The following BNC2 variants were observed in gnomAD, a reference collection of about 807,000 sequenced individuals.
BNC2 encodes basonuclin zinc finger protein 2.
BNC2 carries 20 observed loss-of-function variants against 76.3 expected under a neutral mutation model. The observed-to-expected ratio is 0.26, with a 90% CI of 0.18 to 0.38. The LOEUF is 0.38. Among genes scored for constraint, BNC2 ranks in the 10% least tolerant of loss-of-function variants. The pLI, the probability that BNC2 is intolerant of heterozygous loss-of-function variation, is 1.00. For missense variants in BNC2, 1,382 were observed against 1,399.8 expected, an observed-to-expected ratio of 0.99 and a Z score of 0.20; for synonymous variants, 582 against 514.8, an observed-to-expected ratio of 1.13 and a Z score of -1.77.
At chr9:16,468,600 T>G (rs946444289) in intron 5 of BNC2, among the ~76,000 whole-genome samples, 4 of 152,034 alleles carry the variant, frequency 2.6e-5, no homozygotes, top group South Asian at 4.1e-4. Context: ...TTCACCACGT[T>G]GGCCAGAATG....
intron 4 of BNC2, among the ~76,000 whole-genome samples, chr9:16,557,613 G>T (rs1818876632): frequency 6.6e-6 from 1 of 151,984 alleles, no homozygotes; most frequent in Non-Finnish European, 1.5e-5. Flanking sequence ...TCATGGGTCA[G>T]AGAACATCCA....
intron 6 of BNC2, chr9:16,431,382 T>G: frequency 2.2e-6 from 1 of 445,014 alleles, no homozygotes; most frequent in Non-Finnish European, 4.8e-6. Context: ...TGAGAAATGA[T>G]GAAAGGTAAA....
chr9:16,788,410 G>C (rs13289476), intron 1 of BNC2, among the ~76,000 whole-genome samples: 3 of 151,892 alleles, frequency 2.0e-5, no homozygotes, highest in African/African-American at 4.8e-5. Context: ...AAAATTAGCC[G>C]GGCGTGGTGG....
chr9:16,733,428 C>G (rs1428864908), intron 2 of BNC2, among the ~76,000 whole-genome samples: 2 of 151,830 alleles, frequency 1.3e-5, no homozygotes, highest in Non-Finnish European at 2.9e-5. Flanking sequence ...AGAAGTAAAA[C>G]AATAATTTCA....
chr9:16,495,504 T>C (rs1822369286), intron 5 of BNC2, among the ~76,000 whole-genome samples: 1 of 152,178 alleles, frequency 6.6e-6, no homozygotes, highest in Admixed American at 6.5e-5. Context: ...GCTTGCGTTC[T>C]GGCTAGAGAT....
rs376468032 is a variant in BNC2, at chr9:16,684,972, G to A, written c.330+42825C>T. Among the ~76,000 whole-genome samples, 30 of 151,952 alleles carry A rather than the reference G, an allele frequency of 2.0e-4. No homozygotes were observed. The East Asian group carries it at 3.1e-3, about 16-fold the overall frequency. On this transcript the variant is annotated intron_variant, in intron 3 of 6. Transcript: ENST00000380672. ...CAAGACATATCTTCCAACGCATGAA[G>A]ACAGAAGATATTTCATTAAGTCCTG...
chr9:16,431,250 C>T (rs1014679777), intron 6 of BNC2, among the ~76,000 whole-genome samples: 4 of 152,126 alleles, frequency 2.6e-5, no homozygotes, highest in Non-Finnish European at 5.9e-5. Context: ...GGAAACAGAA[C>T]AGAGGGTATT....
At chr9:16,801,732 A>AG (rs1817785506) in intron 1 of BNC2, among the ~76,000 whole-genome samples, 5 of 22,052 alleles carry the variant, frequency 2.3e-4, no homozygotes, top group African/African-American at 1.4e-3. Context: ...CCCTTAAATT[A>AG]AAAAAAAAAA....
intron 6 of BNC2, chr9:16,431,508 A>G (rs781507455): frequency 4.3e-6 from 2 of 467,650 alleles, no homozygotes; most frequent in Non-Finnish European, 8.9e-6. Context: ...TTTCATATGT[A>G]TACTTCATAA....
At chr9:16,809,976 G>A (rs1818004941) in intron 1 of BNC2, among the ~76,000 whole-genome samples, 2 of 152,044 alleles carry the variant, frequency 1.3e-5, no homozygotes, top group South Asian at 4.1e-4. Flanking sequence ...GTCCTGATGA[G>A]TAAGAGGCTT....
At chr9:16,570,076 C>CA in intron 4 of BNC2, among the ~76,000 whole-genome samples, 1 of 152,126 alleles carries the variant, frequency 6.6e-6, no homozygotes, top group East Asian at 1.9e-4. Flanking sequence ...CCCTACCCCC[C>CA]AGTTATTCAC....
chr9:16,529,180 C>T (rs1000251720), intron 5 of BNC2, among the ~76,000 whole-genome samples: 2 of 152,194 alleles, frequency 1.3e-5, no homozygotes, highest in Non-Finnish European at 2.9e-5. Context: ...AAATCCTTGA[C>T]TTAATCACAT....
intron 1 of BNC2, among the ~76,000 whole-genome samples, chr9:16,848,387 AC>A (rs1819041926): frequency 6.6e-6 from 1 of 152,110 alleles, no homozygotes; most frequent in Non-Finnish European, 1.5e-5. Flanking sequence ...ATAATAATCC[AC>A]CCTGGAACAA....
In BNC2 at chr9:16,869,645, A is replaced by G. The variant is rs181966784; in HGVS notation, c.3+1001T>C. 2.4e-4 allele frequency among the ~76,000 whole-genome samples: 36 copies of G among 152,324 alleles called. No individual in the cohort carries two copies. The East Asian group carries it at 5.2e-3, about 22-fold the overall frequency. ...TAGCGACGCTGGGAGGAAGCAAACT[A>G]AAAAGAAGGGAGTGGTCAAGCCCCA... On this transcript the variant is annotated intron_variant, in intron 1 of 6. Transcript: ENST00000380672.
At chr9:16,469,217 T>A (rs994936931) in intron 5 of BNC2, among the ~76,000 whole-genome samples, 6 of 148,308 alleles carry the variant, frequency 4.0e-5, no homozygotes, top group Non-Finnish European at 7.5e-5. Context: ...CAAACAGTAC[T>A]AATGATTTGA....
chr9:16,615,994 A>G (rs530674336), intron 3 of BNC2, among the ~76,000 whole-genome samples: 156 of 152,326 alleles, frequency 1.0e-3, no homozygotes, highest in African/African-American at 3.5e-3. Context: ...TGAGAGCTCA[A>G]TGGTCACATT....
chr9:16,498,837 T>C (rs755486582), intron 5 of BNC2, among the ~76,000 whole-genome samples: 61 of 152,138 alleles, frequency 4.0e-4, no homozygotes, highest in Admixed American at 1.9e-3. Flanking sequence ...CTAAATCCTA[T>C]TGTCCAATTC....
intron 3 of BNC2, among the ~76,000 whole-genome samples, chr9:16,699,648 A>C (rs1823449646): frequency 1.3e-5 from 2 of 152,222 alleles, no homozygotes; most frequent in African/African-American, 4.8e-5. Flanking sequence ...CAGAAGAAGA[A>C]ATTGGTCTAA....
At chr9:16,539,859 CAAAGG>C (rs1165710489) in intron 5 of BNC2, among the ~76,000 whole-genome samples, 2 of 139,040 alleles carry the variant, frequency 1.4e-5, no homozygotes, top group African/African-American at 5.3e-5. Context: ...GAAAGGAAAG[CAAAGG>C]AAAGGAAAAG....
Sources: allele counts gnomAD v4.1 joint callset (sites outside exome capture counted in the v4.1 genomes callset), GRCh38; gene constraint gnomAD v4.1.1; transcripts MANE v1.5; gene names NCBI Gene and HGNC (gene_info 2026-07-23, HGNC 2026-07-21).